Variants in PSAP observed in about 807,000 individuals in gnomAD.
The protein encoded by PSAP is prosaposin.
PSAP carries 25 observed loss-of-function variants against 66.0 expected under a neutral mutation model. The observed-to-expected ratio is 0.38, with a 90% CI of 0.28 to 0.53. The LOEUF is 0.53. Ranked by LOEUF, PSAP falls within the 20% of genes least tolerant of loss-of-function variation. PSAP has a pLI of 0.83. For missense variants in PSAP, 649 were observed against 668.8 expected, an observed-to-expected ratio of 0.97 and a Z score of 0.33; for synonymous variants, 273 against 258.9, an observed-to-expected ratio of 1.05 and a Z score of -0.52.
At chr10:71,849,089 A>G (rs1002704646) in intron 1 of PSAP, among the ~76,000 whole-genome samples, 12 of 152,244 alleles carry the variant, frequency 7.9e-5, no homozygotes, top group African/African-American at 2.9e-4. Context: ...CGTCAACAAG[A>G]ACAATGGATA....
intron 1 of PSAP, 130 bp downstream of exon 1, chr10:71,851,052 T>C: frequency 9.3e-7 from 1 of 1,075,190 alleles, no homozygotes; most frequent in South Asian, 1.3e-5. Context: ...CGAACGCGCC[T>C]GCGCAGTGCG....
chr10:71,819,358 T>C (rs1467673186), intron 11 of PSAP, 107 bp downstream of exon 11: 3 of 1,507,690 alleles, frequency 2.0e-6, no homozygotes, highest in Non-Finnish European at 2.7e-6. Context: ...TTGGACTCCA[T>C]GCCCGGAGGC....
chr10:71,851,100 G>A, intron 1 of PSAP, 82 bp downstream of exon 1: 1 of 1,486,262 alleles, frequency 6.7e-7, no homozygotes, highest in South Asian at 1.2e-5. Flanking sequence ...GGAGCAGAGG[G>A]GCCAGGCCCG....
intron 1 of PSAP, among the ~76,000 whole-genome samples, chr10:71,847,679 C>T (rs1842847209): frequency 6.6e-6 from 1 of 151,626 alleles, no homozygotes; most frequent in South Asian, 2.1e-4. Flanking sequence ...AACAACCTGT[C>T]AAATGTACTT....
intron 1 of PSAP, among the ~76,000 whole-genome samples, chr10:71,845,171 C>A (rs1036109190): frequency 3.3e-5 from 5 of 152,124 alleles, no homozygotes; most frequent in South Asian, 2.1e-4. Flanking sequence ...TGGAACATAA[C>A]CCCCAAGGAT....
chr10:71,819,295 C>T, intron 11 of PSAP, 170 bp downstream of exon 11: 1 of 1,122,666 alleles, frequency 8.9e-7, no homozygotes. Flanking sequence ...CTTCAGGTTG[C>T]TTCCCCCAGT....
intron 11 of PSAP, 31 bp downstream of exon 11, chr10:71,819,434 C>T (rs767516116): frequency 6.2e-7 from 1 of 1,613,158 alleles, no homozygotes; most frequent in South Asian, 1.1e-5. Flanking sequence ...TTCTGCCATG[C>T]TGGCCTACCG....
chr10:71,843,265 G>T, intron 1 of PSAP, among the ~76,000 whole-genome samples: 1 of 152,324 alleles, frequency 6.6e-6, no homozygotes, highest in Non-Finnish European at 1.5e-5. Context: ...CAAGAAGGAA[G>T]GGGCCAGAAG....
At chr10:71,843,372 C>A (rs1842763138) in intron 1 of PSAP, among the ~76,000 whole-genome samples, 1 of 152,126 alleles carries the variant, frequency 6.6e-6, no homozygotes, top group Admixed American at 6.5e-5. Context: ...GAGTTTTATT[C>A]CTAGTGCTAT....
intron 7 of PSAP, among the ~76,000 whole-genome samples, chr10:71,822,828 G>A (rs748686354): frequency 2.1e-4 from 32 of 152,210 alleles, no homozygotes; most frequent in Non-Finnish European, 4.7e-4. Flanking sequence ...TAAGGGAAAA[G>A]AGCTAGACCA....
intron 1 of PSAP, among the ~76,000 whole-genome samples, chr10:71,842,900 C>T (rs111987022): frequency 0.025 from 3,862 of 152,194 alleles, 78 homozygotes; most frequent in African/African-American, 0.052. Flanking sequence ...AGACTCGGCA[C>T]TATGAAGCAA....
intron 6 of PSAP, among the ~76,000 whole-genome samples, chr10:71,827,464 C>T (rs1018804135): frequency 1.3e-5 from 2 of 151,258 alleles, no homozygotes; most frequent in Non-Finnish European, 2.9e-5. Context: ...CAGAGACTCA[C>T]GCCTGTAATC....
chr10:71,839,287 T>A (rs1234310712), intron 1 of PSAP, among the ~76,000 whole-genome samples: 2 of 152,160 alleles, frequency 1.3e-5, no homozygotes, highest in Non-Finnish European at 2.9e-5. Flanking sequence ...TCGCCCAGGC[T>A]GGAGTGCAGT....
rs1842231536 is a variant in PSAP at position 71,818,819 on chromosome 10, AG to A, written c.1432-96del. 3.5e-6 allele frequency: 4 copies of A among 1,153,102 alleles called. No homozygotes were observed. In the South Asian group the frequency reaches 3.7e-5, roughly 11 times the overall value. 71.4% of individuals were successfully genotyped at this position (1,153,102 alleles called of 1,614,324 possible). On this transcript the variant is annotated intron_variant, in intron 12 of 13. Coordinates refer to ENST00000394936, the MANE Select transcript of PSAP (RefSeq NM_002778.4). ...AAGAAAACAGTTTCCAGAAGGAGCT[AG>A]GATCACAGCTCCACCACGCTCTTTC...
intron 7 of PSAP, chr10:71,825,603 A>G: frequency 1.5e-6 from 1 of 649,170 alleles, no homozygotes; most frequent in Non-Finnish European, 2.8e-6. Context: ...ACAAATTGCC[A>G]GGAAGCCACC....
chr10:71,840,977 T>C (rs996382420), intron 1 of PSAP, among the ~76,000 whole-genome samples: 5 of 152,254 alleles, frequency 3.3e-5, no homozygotes, highest in Non-Finnish European at 5.9e-5. Flanking sequence ...ACAAAGCTTT[T>C]CTTCCAAAGC....
intron 1 of PSAP, among the ~76,000 whole-genome samples, chr10:71,837,289 T>C (rs955258698): frequency 6.6e-6 from 1 of 152,192 alleles, no homozygotes; most frequent in African/African-American, 2.4e-5. Flanking sequence ...CATACGTTCA[T>C]AGACTGCGTG....
Position 71,819,541 on chromosome 10 carries a change from T to C in PSAP, c.1274A>G (p.Lys425Arg), listed in dbSNP as rs748822422. 3.1e-6 allele frequency: 5 copies of C among 1,614,208 alleles called. No homozygotes were observed. Among genetic ancestry groups the C allele is most frequent in the Non-Finnish European group, 4.2e-6 (5 of 1,180,030 alleles). ...LVGYLDRNLE[K>R]NSTKQEILAA... is the part of the protein sequence containing the mutation. ...CAGGATCTCCTGCTTGGTGCTGTTT[T>C]TCTCCAGGTTGCGATCCAAATAACC... The change falls in exon 11 of 14, where the codon AAA becomes AGA. Residue 425 changes from lysine (K) to arginine (R), a missense_variant. Physicochemically the swap from Lys to Arg is conservative, Grantham distance 26. Coordinates refer to ENST00000394936, the MANE Select transcript of PSAP (RefSeq NM_002778.4).
At position 71,820,246 on chromosome 10, in the gene PSAP, C is replaced by G. The variant is rs988659504; in HGVS notation, c.999G>C (p.Lys333Asn). Residue 333 changes from lysine (K) to asparagine (N), a missense_variant, in exon 9 of 14, where the codon AAG becomes AAC. Lys to Asn is a moderately conservative substitution (Grantham distance 94). Transcript: ENST00000394936. Reference protein sequence around the residue: ...KEVTKLIDNNKTEKEILDAFD... With the variant: ...KEVTKLIDNNNTEKEILDAFD... ...TGCCAGGAGGACAGCATACCTCAGT[C>G]TTGTTGTTGTCAATCAGCTTGGTCA... 1 of 1,612,646 alleles carries G rather than the reference C, an allele frequency of 6.2e-7. No homozygotes were observed. Among genetic ancestry groups the G allele is most frequent in the Admixed American group, 1.7e-5 (1 of 60,030 alleles).
Sources: allele counts gnomAD v4.1 joint callset (sites outside exome capture counted in the v4.1 genomes callset), GRCh38; gene constraint gnomAD v4.1.1; transcripts MANE v1.5; gene names NCBI Gene and HGNC (gene_info 2026-07-23, HGNC 2026-07-21).